The following PARD3 variants were observed in gnomAD, a reference collection of about 807,000 sequenced individuals.
The protein encoded by PARD3 is par-3 family cell polarity regulator.
Under a neutral mutation model 155.4 loss-of-function variants are expected in PARD3, and 75 were observed. The observed-to-expected ratio is 0.48, with a 90% CI of 0.40 to 0.58. PARD3 has a LOEUF of 0.58. PARD3 is among the 20% of genes least tolerant of loss of function. The probability of loss-of-function intolerance (pLI) is 0.00; values close to 1 mark genes in which losing one functional copy is unlikely to be tolerated. For missense variants in PARD3, 1,642 were observed against 1,721.7 expected (o/e 0.95, Z 0.82); for synonymous variants, 576 against 610.5 (o/e 0.94, Z 0.83).
intron 2 of PARD3, among the ~76,000 whole-genome samples, chr10:34,633,876 ACAAGAG>A (rs2092371984): frequency 6.6e-6 from 1 of 152,182 alleles, no homozygotes; most frequent in Non-Finnish European, 1.5e-5. Flanking sequence ...AGCTATTCTA[ACAAGAG>A]GGAGGTGACA....
intron 5 of PARD3, among the ~76,000 whole-genome samples, chr10:34,416,689 A>G (rs1299668976): frequency 6.6e-6 from 1 of 152,208 alleles, no homozygotes; most frequent in Non-Finnish European, 1.5e-5. Flanking sequence ...CAGTATTAAC[A>G]CTGACATCCA....
At chr10:34,737,185 GTTTA>G (rs1405767007) in intron 1 of PARD3, among the ~76,000 whole-genome samples, 1 of 152,154 alleles carries the variant, frequency 6.6e-6, no homozygotes, top group East Asian at 1.9e-4. Flanking sequence ...AATACGGGGT[GTTTA>G]TTTAGGTGGT....
At chr10:34,182,509 T>C (rs1358303071) in intron 22 of PARD3, among the ~76,000 whole-genome samples, 1 of 152,204 alleles carries the variant, frequency 6.6e-6, no homozygotes, top group African/African-American at 2.4e-5. Context: ...TACTAATTTA[T>C]ACAGGTTTAT....
chr10:34,194,766 T>C (rs1361219336), intron 22 of PARD3, among the ~76,000 whole-genome samples: 2 of 152,188 alleles, frequency 1.3e-5, no homozygotes, highest in African/African-American at 4.8e-5. Context: ...TGCTTAAAAA[T>C]ACTTAAGAGT....
intron 2 of PARD3, among the ~76,000 whole-genome samples, chr10:34,669,954 G>C (rs1224903375): frequency 6.6e-6 from 1 of 152,158 alleles, no homozygotes; most frequent in African/African-American, 2.4e-5. Flanking sequence ...GTGTCTAAAA[G>C]ATTTATAGTG....
At chr10:34,549,900 C>A (rs558410091) in intron 2 of PARD3, among the ~76,000 whole-genome samples, 3 of 152,042 alleles carry the variant, frequency 2.0e-5, no homozygotes, top group African/African-American at 7.2e-5. Context: ...CTAAACCCTT[C>A]AAAATTTCCA....
intron 1 of PARD3, among the ~76,000 whole-genome samples, chr10:34,739,337 A>C (rs1324759138): frequency 6.6e-6 from 1 of 152,248 alleles, no homozygotes; most frequent in Non-Finnish European, 1.5e-5. Context: ...TTTTTAATAA[A>C]TCTAAAGTTA....
At chr10:34,448,467 T>C (rs960506607) in intron 5 of PARD3, among the ~76,000 whole-genome samples, 15 of 152,186 alleles carry the variant, frequency 9.9e-5, no homozygotes, top group Middle Eastern at 3.4e-3. Context: ...ACCTAACGTA[T>C]AGCATTAGGT....
At chr10:34,793,422 C>G (rs1264656995) in intron 1 of PARD3, among the ~76,000 whole-genome samples, 1 of 152,142 alleles carries the variant, frequency 6.6e-6, no homozygotes, top group Non-Finnish European at 1.5e-5. Flanking sequence ...TTGAATTCTA[C>G]TTGGAAAACC....
chr10:34,350,811 G>A (rs563087116), intron 14 of PARD3, among the ~76,000 whole-genome samples: 1 of 152,230 alleles, frequency 6.6e-6, no homozygotes, highest in Non-Finnish European at 1.5e-5. Flanking sequence ...CCATCCCAAG[G>A]AAAGTCTTTC....
At chr10:34,210,463 C>T (rs1297412367) in intron 22 of PARD3, among the ~76,000 whole-genome samples, 1 of 152,128 alleles carries the variant, frequency 6.6e-6, no homozygotes, top group Non-Finnish European at 1.5e-5. Context: ...TAGACACCAC[C>T]TTCTGCACTG....
intron 3 of PARD3, among the ~76,000 whole-genome samples, chr10:34,503,652 C>T (rs1321405129): frequency 3.3e-5 from 5 of 152,154 alleles, no homozygotes; most frequent in Non-Finnish European, 5.9e-5. Context: ...GGATAGACAA[C>T]AGGCTGCTGT....
rs1000357809 is a variant in PARD3, at chr10:34,381,802, T to C, written c.1399+738A>G. Among the ~76,000 whole-genome samples, 12 of 150,852 alleles carry C rather than the reference T, an allele frequency of 8.0e-5. No homozygotes were observed. The Admixed American group carries it at 8.0e-4, about 10-fold the overall frequency. On this transcript the variant is annotated intron_variant, in intron 9 of 24. Transcript: ENST00000374788. Reference sequence around the variant, plus strand: ...TGTAAATGAGATGGGCATGGCGGCATGTGCCTCTAGTCACAGCACTTGGAA... The same window carrying C: ...TGTAAATGAGATGGGCATGGCGGCACGTGCCTCTAGTCACAGCACTTGGAA...
At chr10:34,642,212 G>A (rs901532027) in intron 2 of PARD3, among the ~76,000 whole-genome samples, 1 of 151,508 alleles carries the variant, frequency 6.6e-6, no homozygotes, top group Non-Finnish European at 1.5e-5. Context: ...GCCCTGCCTC[G>A]CACCCTCTGT....
intron 2 of PARD3, among the ~76,000 whole-genome samples, chr10:34,638,821 A>G (rs1481877676): frequency 6.6e-6 from 1 of 152,226 alleles, no homozygotes; most frequent in Non-Finnish European, 1.5e-5. Context: ...TGATGTGTAA[A>G]TCAGTTCTAA....
At chr10:34,401,250 G>A (rs2132195051) in intron 6 of PARD3, among the ~76,000 whole-genome samples, 2 of 152,192 alleles carry the variant, frequency 1.3e-5, no homozygotes, top group South Asian at 4.1e-4. Context: ...TCAGAACACT[G>A]TGGAACAAAC....
chr10:34,292,379 T>C (rs964367682), intron 20 of PARD3, among the ~76,000 whole-genome samples: 18 of 152,322 alleles, frequency 1.2e-4, no homozygotes, highest in African/African-American at 4.1e-4. Flanking sequence ...AGTACTGATT[T>C]GCTCAGCAGT....
intron 5 of PARD3, chr10:34,426,824 G>A (rs1405324272): frequency 6.6e-6 from 1 of 152,260 alleles, no homozygotes; most frequent in Non-Finnish European, 1.5e-5. Flanking sequence ...CCAAACGGAG[G>A]GACCAGCTGA....
intron 3 of PARD3, among the ~76,000 whole-genome samples, chr10:34,509,502 C>G: frequency 6.6e-6 from 1 of 152,032 alleles, no homozygotes; most frequent in Non-Finnish European, 1.5e-5. Context: ...AACAGAAAAA[C>G]AAATTTTTAG....
Sources: gnomAD v4.1 joint callset for allele counts (sites outside exome capture counted in the v4.1 genomes callset) on GRCh38, gnomAD v4.1.1 for gene constraint, MANE v1.5 for transcripts, NCBI Gene and HGNC (gene_info 2026-07-23, HGNC 2026-07-21) for gene names.